BIRC6: variants seen among roughly 807,000 people sequenced by gnomAD.
BIRC6 encodes the protein dual E2 ubiquitin-conjugating enzyme/E3 ubiquitin-protein ligase BIRC6.
Under a neutral mutation model 503.3 loss-of-function variants are expected in BIRC6, and 98 were observed. That is an observed-to-expected ratio of 0.19 (90% CI 0.17 to 0.23). The LOEUF is 0.23. Among genes scored for constraint, BIRC6 ranks in the 10% least tolerant of loss-of-function variants. BIRC6 has a pLI of 1.00. For missense variants in BIRC6, 5,360 were observed against 5,806.0 expected (o/e 0.92, Z 2.50); for synonymous variants, 2,240 against 2,078.7 (o/e 1.08, Z -2.11).
At position 32,435,491 on chromosome 2, in the gene BIRC6, T is replaced by G; in HGVS notation, c.3410-5T>G. 2 of 1,550,660 alleles carry G rather than the reference T, an allele frequency of 1.3e-6. No individual in the cohort carries two copies. The highest frequency in any genetic ancestry group is 2.4e-5 in the South Asian group (2 of 83,618). On this transcript the variant is annotated splice_region_variant and splice_polypyrimidine_tract_variant and intron_variant, in intron 13 of 73. Transcript: ENST00000421745. ...ATAGGCAGATCACCTTTCCTTTGTC[T>G]CCAGCTCTTAACATTGAAGTGGAAC...
At chr2:32,516,469 T>C (rs1341254242) in intron 55 of BIRC6, among the ~76,000 whole-genome samples, 9 of 148,650 alleles carry the variant, frequency 6.1e-5, no homozygotes, top group African/African-American at 1.3e-4. Context: ...TGAGCTGAAA[T>C]CTTACTACTG....
Position 32,481,430 on chromosome 2 carries a change from C to A in BIRC6, c.7519C>A (p.Pro2507Thr). 6.2e-7 allele frequency: 1 copy of A among 1,610,872 alleles called. No homozygotes were observed. The highest frequency in any genetic ancestry group is 2.2e-5 in the East Asian group (1 of 44,708). The change falls in exon 38 of 74, where the codon CCT (proline) becomes ACT (threonine). Residue 2507 changes from proline to threonine, a missense_variant. By Grantham distance (38) the Pro-to-Thr change is conservative (BLOSUM62 -1). Around this residue, in one of 16 missense-constraint regions of BIRC6, gnomAD observed 2,299 missense variants for 2,267.2 expected, o/e 1.01. Transcript: ENST00000421745. ...TTTAGATATTGATTTGGAAAAGGAC[C>A]CTCTTGCAGCCAAGGTTTTTAAGGT... is the stretch of plus-strand genomic sequence containing the variant. Reference protein sequence around the residue: ...DPLDIDLEKDPLAAKVFKPIS... With the variant: ...DPLDIDLEKDTLAAKVFKPIS...
At position 32,380,133 on chromosome 2, in the gene BIRC6, ATTT is replaced by A; in HGVS notation, c.508-16_508-14del. 2.8e-6 allele frequency: 4 copies of A among 1,449,952 alleles called. No individual in the cohort carries two copies. The highest frequency in any genetic ancestry group is 3.7e-6 in the Non-Finnish European group (4 of 1,095,774). 89.8% of individuals were successfully genotyped at this position (1,449,952 alleles called of 1,614,324 possible). Reference sequence around the variant, plus strand: ...GTGTTGAATTTTCTGTGATTTTTTTATTTTTTATTTTTTATTTAGGCACAGCAG... The same window carrying A: ...GTGTTGAATTTTCTGTGATTTTTTTATTTATTTTTTATTTAGGCACAGCAG... On this transcript the variant is annotated splice_polypyrimidine_tract_variant and intron_variant, in intron 2 of 73. Transcript: ENST00000421745.
In BIRC6 at chr2:32,464,764, A is replaced by G; in HGVS notation, c.5197A>G (p.Ile1733Val). The change falls in exon 25 of 74, where the codon ATT becomes GTT. Residue 1733 changes from isoleucine to valine, a missense_variant. By Grantham distance (29) the Ile-to-Val change is conservative. This residue lies in a region of BIRC6 where 2,299 missense variants were observed against 2,267.2 expected (regional missense o/e 1.01). Transcript: ENST00000421745. ...TGCACAGCTTTTCCCAGGCTCAGTC[A>G]TTGATCCCCCAGCAGTCAATCTTGC... The part of the protein sequence containing the change: ...ELAQLFPGSV[I>V]DPPAVNLAAH... 2 of 1,614,020 alleles carry G rather than the reference A, an allele frequency of 1.2e-6. No homozygotes were observed. The highest frequency in any genetic ancestry group is 2.2e-5 in the East Asian group (1 of 44,888).
intron 9 of BIRC6, among the ~76,000 whole-genome samples, chr2:32,413,534 G>A (rs1475779046): frequency 1.3e-5 from 2 of 151,890 alleles, no homozygotes; most frequent in Non-Finnish European, 2.9e-5. Flanking sequence ...ACTCAGGCTG[G>A]TCTCGAACTC....
At chr2:32,493,143 T>TC (rs1322823332) in intron 44 of BIRC6, among the ~76,000 whole-genome samples, 1 of 151,918 alleles carries the variant, frequency 6.6e-6, no homozygotes, top group Non-Finnish European at 1.5e-5. Flanking sequence ...TCATTTTACC[T>TC]CTCTGCTCCT....
chr2:32,617,389 A>C (rs1275018194), intron 73 of BIRC6, among the ~76,000 whole-genome samples: 1 of 152,202 alleles, frequency 6.6e-6, no homozygotes, highest in African/African-American at 2.4e-5. Flanking sequence ...CAACAGAGCG[A>C]GACTCCGTCT....
At chr2:32,572,093 G>C (rs757196162) in intron 65 of BIRC6, among the ~76,000 whole-genome samples, 1 of 152,136 alleles carries the variant, frequency 6.6e-6, no homozygotes, top group Non-Finnish European at 1.5e-5. Flanking sequence ...GAAGATACTT[G>C]ATATGATTTC....
chr2:32,405,781 G>T (rs368231246), intron 8 of BIRC6, among the ~76,000 whole-genome samples: 2 of 152,222 alleles, frequency 1.3e-5, no homozygotes, highest in African/African-American at 4.8e-5. Context: ...TTGGTTTTAG[G>T]CTGTCCTGAA....
At chr2:32,496,879 C>T (rs895538054) in intron 45 of BIRC6, among the ~76,000 whole-genome samples, 1 of 152,170 alleles carries the variant, frequency 6.6e-6, no homozygotes, top group East Asian at 1.9e-4. Flanking sequence ...CTCCCCCCAT[C>T]CAGTTGTACT....
At chr2:32,470,032 C>T in intron 30 of BIRC6, 136 bp from the exon 31 acceptor site, 3 of 762,106 alleles carry the variant, frequency 3.9e-6, no homozygotes, top group Non-Finnish European at 5.5e-6. Flanking sequence ...TCTTGCTTTC[C>T]CAGTCTGAAA....
At chr2:32,558,632 T>C (rs901561446) in intron 65 of BIRC6, 1 of 152,182 alleles carries the variant, frequency 6.6e-6, no homozygotes, top group African/African-American at 2.4e-5. Flanking sequence ...TTTAAAATAA[T>C]TAAAAGAGAA....
chr2:32,380,340 C>T (rs781730064), intron 3 of BIRC6, 50 bp downstream of exon 3: 28 of 1,519,988 alleles, frequency 1.8e-5, no homozygotes, highest in East Asian at 4.7e-5. Context: ...CAATGGACAC[C>T]TCCATTCTTT....
chr2:32,542,169 G>A (rs1559013995), intron 61 of BIRC6, among the ~76,000 whole-genome samples: 1 of 151,812 alleles, frequency 6.6e-6, no homozygotes, highest in Non-Finnish European at 1.5e-5. Flanking sequence ...TTCTAGGTAT[G>A]TTTGCTGATA....
chr2:32,397,821 T>C (rs2040140342), intron 6 of BIRC6, among the ~76,000 whole-genome samples: 1 of 152,092 alleles, frequency 6.6e-6, no homozygotes, highest in Non-Finnish European at 1.5e-5. Context: ...TATTATTTTC[T>C]TTGTAAATAT....
At chr2:32,616,907 C>A (rs1275739585) in intron 73 of BIRC6, among the ~76,000 whole-genome samples, 1 of 151,922 alleles carries the variant, frequency 6.6e-6, no homozygotes, top group East Asian at 1.9e-4. Flanking sequence ...AGTTTGAGAC[C>A]AGCTTGGGCA....
chr2:32,436,059 G>T lies in BIRC6; in HGVS notation c.3506G>T (p.Arg1169Ile), dbSNP rs1186920650. 3 of 1,416,396 alleles carry T rather than the reference G, an allele frequency of 2.1e-6. No individual in the cohort carries two copies. The highest frequency in any genetic ancestry group is 5.3e-5 in the Admixed American group (2 of 37,978). The allele number at this position is 1,416,396 out of a possible 1,614,324, so 87.7% of individuals were successfully genotyped here. A position where few individuals can be genotyped will look rare whatever the true frequency, so the allele number is the denominator to read the frequency against. ...HMDVEESQCL[R>I]LCPFLEDHKE... ...TATGTATTTTTCTTTTTAGGTCTTA[G>T]ATTATGTCCATTTTTGGAGGATCAT... Residue 1169 changes from arginine (R) to isoleucine (I), a missense_variant, in exon 15 of 74, where the codon AGA becomes ATA. Coordinates refer to ENST00000421745, the MANE Select transcript of BIRC6 (RefSeq NM_016252.4).
At chr2:32,468,814 T>C in intron 29 of BIRC6, 31 bp downstream of exon 29, 2 of 1,476,768 alleles carry the variant, frequency 1.4e-6, no homozygotes, top group Non-Finnish European at 9.2e-7. Context: ...TTTTAAAGGC[T>C]GGGAATATAC....
intron 61 of BIRC6, among the ~76,000 whole-genome samples, chr2:32,535,307 T>C (rs2057137199): frequency 6.6e-6 from 1 of 152,190 alleles, no homozygotes; most frequent in South Asian, 2.1e-4. Flanking sequence ...AACTTTATTT[T>C]ATTTTATTTT....
Sources: allele counts gnomAD v4.1 joint callset (sites outside exome capture counted in the v4.1 genomes callset), GRCh38; gene constraint gnomAD v4.1.1; regional missense constraint gnomAD v4.1.1; transcripts MANE v1.5; gene names NCBI Gene and HGNC (gene_info 2026-07-23, HGNC 2026-07-21).